Variants in ANKRD55 observed in about 807,000 individuals in gnomAD.
The protein encoded by ANKRD55 is ankyrin repeat domain 55.
ANKRD55 carries 41 observed loss-of-function variants against 60.6 expected under a neutral mutation model. The observed-to-expected ratio is 0.68, with a 90% CI of 0.53 to 0.88. The LOEUF (loss-of-function observed/expected upper bound fraction) is 0.88. ANKRD55 is among the 40% of genes least tolerant of loss of function. The probability of loss-of-function intolerance (pLI) is 0.00; values close to 1 mark genes in which losing one functional copy is unlikely to be tolerated. For synonymous variants in ANKRD55, 264 were observed against 290.3 expected (o/e 0.91, Z 0.92); for missense variants, 732 against 767.6 (o/e 0.95, Z 0.55).
intron 7 of ANKRD55, among the ~76,000 whole-genome samples, chr5:56,128,130 T>TA: frequency 6.6e-6 from 1 of 152,324 alleles, no homozygotes; most frequent in Middle Eastern, 3.4e-3. Context: ...CACTTTTCTT[T>TA]AAAAGCAGTA....
At chr5:56,225,417 C>T (rs1760085146) in intron 2 of ANKRD55, among the ~76,000 whole-genome samples, 1 of 152,174 alleles carries the variant, frequency 6.6e-6, no homozygotes, top group South Asian at 2.1e-4. Context: ...CCTTTGAAAA[C>T]TGTTACAAGA....
chr5:56,116,056 T>C (rs1473325718), intron 9 of ANKRD55, among the ~76,000 whole-genome samples: 2 of 152,090 alleles, frequency 1.3e-5, no homozygotes, highest in East Asian at 1.9e-4. Flanking sequence ...GATTTCACCA[T>C]GTTGGCCAGG....
chr5:56,172,191 C>A (rs922182690), intron 4 of ANKRD55, among the ~76,000 whole-genome samples: 2 of 151,356 alleles, frequency 1.3e-5, no homozygotes, highest in African/African-American at 4.9e-5. Context: ...AGAAAAGAAC[C>A]TTTTGGTTTT....
At chr5:56,213,473 A>C (rs1275254907) in intron 2 of ANKRD55, among the ~76,000 whole-genome samples, 3 of 152,146 alleles carry the variant, frequency 2.0e-5, no homozygotes, top group African/African-American at 7.2e-5. Context: ...AGCAAAAACA[A>C]AGAAAACAAC....
chr5:56,229,900 AC>A (rs11356131), intron 2 of ANKRD55, among the ~76,000 whole-genome samples: 10,017 of 151,944 alleles, frequency 0.066, 463 homozygotes, highest in African/African-American at 0.13. Flanking sequence ...ATTAGGAAGG[AC>A]CCAACTTTGA....
At chr5:56,180,461 G>A (rs1758828789) in intron 3 of ANKRD55, among the ~76,000 whole-genome samples, 1 of 152,050 alleles carries the variant, frequency 6.6e-6, no homozygotes, top group South Asian at 2.1e-4. Flanking sequence ...ATCTTGCTGG[G>A]GTTTGGTAGA....
chr5:56,109,950 G>A (rs1406685826), intron 10 of ANKRD55, among the ~76,000 whole-genome samples: 4 of 151,918 alleles, frequency 2.6e-5, no homozygotes, highest in East Asian at 1.9e-4. Flanking sequence ...CCCGGGAAGC[G>A]GAGGTTGTAG....
At chr5:56,231,284 GA>G (rs1760244714) in intron 2 of ANKRD55, among the ~76,000 whole-genome samples, 1 of 152,188 alleles carries the variant, frequency 6.6e-6, no homozygotes, top group Non-Finnish European at 1.5e-5. Context: ...TTGCTCACAT[GA>G]AAGGTGTTAA....
At chr5:56,126,773 A>G (rs1311047507) in intron 8 of ANKRD55, 149 bp downstream of exon 8, 2 of 835,960 alleles carry the variant, frequency 2.4e-6, no homozygotes, top group Non-Finnish European at 3.5e-6. Context: ...TCACTAAAAT[A>G]GAGCAATTTT....
At chr5:56,150,886 G>C (rs562216583) in intron 6 of ANKRD55, among the ~76,000 whole-genome samples, 1 of 152,206 alleles carries the variant, frequency 6.6e-6, no homozygotes, top group Non-Finnish European at 1.5e-5. Flanking sequence ...GCGACAAAGC[G>C]AGACTCCGTC....
intron 5 of ANKRD55, among the ~76,000 whole-genome samples, chr5:56,166,215 C>CTCTCTT (rs1554040824): frequency 6.2e-5 from 8 of 129,550 alleles, no homozygotes; most frequent in Non-Finnish European, 1.1e-4. Context: ...CTCTCTCTCT[C>CTCTCTT]TCTTTCTTTC....
chr5:56,154,975 T>C (rs1052897785), intron 6 of ANKRD55, among the ~76,000 whole-genome samples: 1 of 152,118 alleles, frequency 6.6e-6, no homozygotes, highest in African/African-American at 2.4e-5. Context: ...TGCACGCCTA[T>C]AATCCCAGCA....
chr5:56,162,396 TTTTG>T (rs1758354029), intron 5 of ANKRD55, among the ~76,000 whole-genome samples: 1 of 152,120 alleles, frequency 6.6e-6, no homozygotes, highest in African/African-American at 2.4e-5. Context: ...TCCTATCGGG[TTTTG>T]CCGATGGGGG....
rs1561254170 is a variant in ANKRD55 at position 56,116,742 on chromosome 5, A to AT, written c.837dup (p.Cys280MetfsTer19). On this transcript the variant is annotated frameshift_variant, in exon 9 of 12. Coordinates refer to ENST00000341048, the MANE Select transcript of ANKRD55 (RefSeq NM_024669.3). LOFTEE classifies it high-confidence loss of function. ...CCCAACTCCAGCAGTGACTGGACAC[A>AT]TTCGGCCTTCCCTGCAGCTGCAGCC... The AT allele has an allele frequency of 6.2e-7, 1 of 1,613,700 alleles. No individual in the cohort carries two copies. Among genetic ancestry groups the AT allele is most frequent in the Non-Finnish European group, 8.5e-7 (1 of 1,179,838 alleles).
At chr5:56,231,201 G>C (rs1760242566) in intron 2 of ANKRD55, among the ~76,000 whole-genome samples, 1 of 152,188 alleles carries the variant, frequency 6.6e-6, no homozygotes, top group African/African-American at 2.4e-5. Context: ...TTGAGAAATA[G>C]AGATAAAGAT....
In ANKRD55 at chr5:56,233,274, C is replaced by T. The variant is rs1055310242; in HGVS notation, c.-67G>A. ...TGGGCTGGAAAAACACAGCAGATCA[C>T]GGAGCTTCAGCAGCTGGAATGTCGC... On this transcript the variant is annotated 5_prime_UTR_variant, in exon 1 of 12. In the 5' UTR this introduces an upstream ATG that the reference lacks. Transcript: ENST00000341048. 2.0e-5 allele frequency: 5 copies of T among 246,796 alleles called. No individual in the cohort carries two copies. The highest frequency in any genetic ancestry group is 1.0e-4 in the Admixed American group (2 of 19,166). The allele number at this position is 246,796 out of a possible 1,614,324, so 15.3% of individuals were successfully genotyped here.
chr5:56,232,774 C>T, intron 2 of ANKRD55, 82 bp downstream of exon 2: 1 of 1,319,100 alleles, frequency 7.6e-7, no homozygotes, highest in Non-Finnish European at 1.1e-6. Flanking sequence ...ACACACTTCT[C>T]TTTCTCTCCT....
chr5:56,198,389 A>G (rs1037228924), intron 2 of ANKRD55, among the ~76,000 whole-genome samples: 5 of 151,872 alleles, frequency 3.3e-5, no homozygotes, highest in African/African-American at 1.2e-4. Context: ...GGGTTCAAGC[A>G]ATTCTCCTTC....
intron 8 of ANKRD55, among the ~76,000 whole-genome samples, chr5:56,122,917 C>T: frequency 6.6e-6 from 1 of 151,752 alleles, no homozygotes; most frequent in Admixed American, 6.6e-5. Context: ...AGGCATGTAC[C>T]ACTATGTCCG....
Sources: allele counts gnomAD v4.1 joint callset (sites outside exome capture counted in the v4.1 genomes callset), GRCh38; gene constraint gnomAD v4.1.1; transcripts MANE v1.5; gene names NCBI Gene and HGNC (gene_info 2026-07-23, HGNC 2026-07-21).